Variants in IGF2BP1 observed in about 807,000 individuals in gnomAD.
IGF2BP1 encodes insulin-like growth factor 2 mRNA-binding protein 1.
In IGF2BP1, 11 loss-of-function variants were observed where a neutral mutation model predicts 74.9. That is an observed-to-expected ratio of 0.15 (90% CI 0.09 to 0.24). The LOEUF (loss-of-function observed/expected upper bound fraction) is 0.24. IGF2BP1 is among the 10% of genes least tolerant of loss of function. The pLI is 1.00. For synonymous variants in IGF2BP1, 287 were observed against 281.8 expected (o/e 1.02, Z -0.18); for missense variants, 440 against 757.4 (o/e 0.58, Z 4.92).
intron 4 of IGF2BP1, among the ~76,000 whole-genome samples, chr17:49,029,244 C>T (rs994611189): frequency 2.6e-5 from 4 of 152,186 alleles, no homozygotes; most frequent in East Asian, 1.9e-4. Flanking sequence ...TATTTCCAGT[C>T]ACTGGAAGAT....
At chr17:49,037,275 T>G (rs2042001172) in intron 5 of IGF2BP1, 2 of 450,494 alleles carry the variant, frequency 4.4e-6, no homozygotes, top group African/African-American at 4.2e-5. Flanking sequence ...AGGAAAATGC[T>G]GGAAAGAAAA....
At position 48,997,855 on chromosome 17, in the gene IGF2BP1, C is replaced by T. The variant is rs1205790831; in HGVS notation, c.110C>T (p.Ser37Phe). ...TACAGCGGCCAGTTCTTGGTCAAAT[C>T]CGGCTACGCCTTCGTGGACTGCCCG... The part of the protein sequence containing the change: ...ISYSGQFLVK[S>F]GYAFVDCPDE... Residue 37 changes from serine (S) to phenylalanine (F), a missense_variant, in exon 1 of 15, where the codon TCC (serine) becomes TTC (phenylalanine). Coordinates refer to ENST00000290341, the MANE Select transcript of IGF2BP1 (RefSeq NM_006546.4). This position sits in a 1 kb window ranked among gnomAD's most constrained non-coding sequence, Gnocchi z 4.8. 4 of 1,614,114 alleles carry T rather than the reference C, an allele frequency of 2.5e-6. No individual in the cohort carries two copies. In the Admixed American group the frequency reaches 6.7e-5, roughly 27 times the overall value.
At chr17:49,016,960 T>TC (rs1324560770) in intron 2 of IGF2BP1, among the ~76,000 whole-genome samples, 2 of 146,248 alleles carry the variant, frequency 1.4e-5, no homozygotes, top group East Asian at 4.0e-4. Flanking sequence ...GCGTGCCAGG[T>TC]CCGCCCCCTT....
intron 2 of IGF2BP1, among the ~76,000 whole-genome samples, chr17:49,016,081 C>T (rs1014146403): frequency 3.9e-5 from 6 of 152,220 alleles, no homozygotes; most frequent in East Asian, 1.9e-4. Context: ...CCAGTTGGCA[C>T]GCACTTAACC....
intron 11 of IGF2BP1, 141 bp from the exon 12 acceptor site, chr17:49,044,850 T>G: frequency 2.9e-6 from 2 of 696,868 alleles, no homozygotes; most frequent in Non-Finnish European, 5.1e-6. Flanking sequence ...GATGTGGGCT[T>G]CAGGGTCTTT....
At chr17:49,005,374 C>G (rs1054360920) in intron 2 of IGF2BP1, among the ~76,000 whole-genome samples, 7 of 152,158 alleles carry the variant, frequency 4.6e-5, no homozygotes, top group African/African-American at 1.7e-4. Context: ...CATGGCTGGT[C>G]GTAAGCAAAC....
At chr17:49,035,070 G>T (rs2041971205) in intron 5 of IGF2BP1, among the ~76,000 whole-genome samples, 2 of 152,172 alleles carry the variant, frequency 1.3e-5, no homozygotes, top group South Asian at 4.1e-4. Context: ...GTGTGGTACC[G>T]GCTTCAGGAT....
At chr17:49,011,137 CAAAAAAAAAAAAA>C (rs61620827) in intron 2 of IGF2BP1, among the ~76,000 whole-genome samples, 2 of 57,298 alleles carry the variant, frequency 3.5e-5, no homozygotes, top group East Asian at 8.9e-4. Context: ...GACTCTGTCT[CAAAAAAAAAAAAA>C]AAAAAAAAAA....
intron 2 of IGF2BP1, among the ~76,000 whole-genome samples, chr17:49,012,116 G>T (rs1383408632): frequency 6.6e-6 from 1 of 152,060 alleles, no homozygotes. Context: ...TGTTGGCCAG[G>T]CTGGTCTCGA....
At chr17:49,019,058 C>T (rs1384636295) in intron 2 of IGF2BP1, among the ~76,000 whole-genome samples, 1 of 152,112 alleles carries the variant, frequency 6.6e-6, no homozygotes, top group African/African-American at 2.4e-5. Flanking sequence ...GCTTGCCCCA[C>T]CCCAGTTTAA....
At chr17:49,024,734 C>A (rs753782941) in intron 2 of IGF2BP1, among the ~76,000 whole-genome samples, 1 of 152,210 alleles carries the variant, frequency 6.6e-6, no homozygotes, top group East Asian at 1.9e-4. Context: ...AACCACTGCA[C>A]TATATCTTGC....
chr17:49,013,386 C>G (rs960501655), intron 2 of IGF2BP1, among the ~76,000 whole-genome samples: 4 of 152,136 alleles, frequency 2.6e-5, no homozygotes, highest in Admixed American at 6.5e-5. Flanking sequence ...GCTCCCAGGC[C>G]TTAGTTCCTG....
At chr17:49,010,983 A>G (rs2041609985) in intron 2 of IGF2BP1, among the ~76,000 whole-genome samples, 1 of 151,614 alleles carries the variant, frequency 6.6e-6, no homozygotes, top group South Asian at 2.1e-4. Flanking sequence ...CTAAAAATAC[A>G]AAAACTAGCC....
Position 49,010,791 on chromosome 17 carries a change from CTG to C in IGF2BP1, c.236+11623_236+11624del, listed in dbSNP as rs567785404. Among the ~76,000 whole-genome samples the C allele has an allele frequency of 1.7e-3, 252 of 152,118 alleles. 1 individual carries two copies. Among genetic ancestry groups the C allele is most frequent in the Admixed American group, 7.3e-3 (112 of 15,272 alleles). ...ATTTTCACTTTAAATCCAGGAAAAA[CTG>C]AGAGTACAGAGTCCAGGAGTCCACG... On this transcript the variant is annotated intron_variant, in intron 2 of 14. Transcript: ENST00000290341.
Position 49,052,989 on chromosome 17 carries a change from C to T in IGF2BP1, c.*3545C>T, listed in dbSNP as rs1364939057. On this transcript the variant is annotated 3_prime_UTR_variant, in exon 15 of 15. Coordinates refer to ENST00000290341, the MANE Select transcript of IGF2BP1 (RefSeq NM_006546.4). ...ACCCCAAATGGCTTTAATCCCCTCT[C>T]GGGTCTGGTTGCCTTTTGCAGTTTG... The T allele has an allele frequency of 2.0e-5, 3 of 152,230 alleles. No homozygotes were observed. Among genetic ancestry groups the T allele is most frequent in the South Asian group, 4.1e-4 (2 of 4,828 alleles). 9.4% of individuals were successfully genotyped at this position (152,230 alleles called of 1,614,324 possible).
At chr17:49,037,261 C>T (rs538777866) in intron 5 of IGF2BP1, 20 of 441,970 alleles carry the variant, frequency 4.5e-5, no homozygotes, top group South Asian at 2.9e-4. Context: ...GGAACCCTTA[C>T]GGTAGGAAAA....
intron 10 of IGF2BP1, 21 bp downstream of exon 10, chr17:49,043,571 C>T (rs1309554955): frequency 5.0e-6 from 8 of 1,612,580 alleles, no homozygotes; most frequent in African/African-American, 1.3e-5. Context: ...GATCTTATTA[C>T]ACGGGATCCC....
At chr17:49,039,242 T>C (rs548885792) in intron 6 of IGF2BP1, among the ~76,000 whole-genome samples, 62 of 152,110 alleles carry the variant, frequency 4.1e-4, no homozygotes, top group Non-Finnish European at 4.1e-4. Context: ...TATGTCCTTA[T>C]CATAGTAAAT....
At chr17:49,047,557 C>T (rs2144153841) in intron 14 of IGF2BP1, among the ~76,000 whole-genome samples, 1 of 151,744 alleles carries the variant, frequency 6.6e-6, no homozygotes, top group South Asian at 2.1e-4. Flanking sequence ...TCCAAAGATG[C>T]ATAAAGCCAG....
Sources: allele counts gnomAD v4.1 joint callset (sites outside exome capture counted in the v4.1 genomes callset), GRCh38; gene constraint gnomAD v4.1.1; non-coding constraint Gnocchi (gnomAD v3.1); transcripts MANE v1.5; gene names NCBI Gene and HGNC (gene_info 2026-07-23, HGNC 2026-07-21).